Variants in LRRTM4 observed in about 807,000 individuals in gnomAD.
The protein encoded by LRRTM4 is leucine rich repeat transmembrane neuronal 4, also known as leucine-rich repeat transmembrane neuronal protein 4.
Under a neutral mutation model 47.6 loss-of-function variants are expected in LRRTM4, and 25 were observed. That is an observed-to-expected ratio of 0.53 (90% CI 0.38 to 0.73). The LOEUF (loss-of-function observed/expected upper bound fraction) is 0.73. Ranked by LOEUF, LRRTM4 falls within the 30% of genes least tolerant of loss-of-function variation. The pLI is 0.00. For missense variants in LRRTM4, 638 were observed against 713.4 expected, an observed-to-expected ratio of 0.89 and a Z score of 1.20; for synonymous variants, 311 against 269.5, an observed-to-expected ratio of 1.15 and a Z score of -1.51.
intron 3 of LRRTM4, among the ~76,000 whole-genome samples, chr2:77,437,012 G>T (rs914665090): frequency 6.6e-6 from 1 of 151,790 alleles, no homozygotes; most frequent in African/African-American, 2.4e-5. Context: ...TTATGTGTCT[G>T]GTTTGTAGGA....
At chr2:77,291,001 C>T (rs932858437) in intron 3 of LRRTM4, among the ~76,000 whole-genome samples, 1 of 152,052 alleles carries the variant, frequency 6.6e-6, no homozygotes, top group Non-Finnish European at 1.5e-5. Context: ...GGCTTTTCTG[C>T]TCTTACAGCC....
intron 3 of LRRTM4, among the ~76,000 whole-genome samples, chr2:77,204,648 T>G (rs1385315275): frequency 6.6e-6 from 1 of 152,208 alleles, no homozygotes; most frequent in Non-Finnish European, 1.5e-5. Context: ...CATGATATTC[T>G]GCCATTCCCA....
intron 3 of LRRTM4, among the ~76,000 whole-genome samples, chr2:77,041,220 G>C (rs1465651320): frequency 2.6e-5 from 4 of 151,346 alleles, no homozygotes; most frequent in Non-Finnish European, 5.9e-5. Flanking sequence ...AATATTCTTT[G>C]GGTTCATCCA....
intron 3 of LRRTM4, among the ~76,000 whole-genome samples, chr2:76,905,589 A>C (rs1274429591): frequency 1.3e-5 from 2 of 151,312 alleles, no homozygotes; most frequent in Non-Finnish European, 2.9e-5. Context: ...AAAGAAGTTA[A>C]AAACTTTGAA....
chr2:77,413,125 C>T (rs1250699551), intron 3 of LRRTM4, among the ~76,000 whole-genome samples: 1 of 152,140 alleles, frequency 6.6e-6, no homozygotes, highest in Non-Finnish European at 1.5e-5. Context: ...AACATTGACT[C>T]AACTATTGGT....
chr2:77,462,140 A>T (rs1019942621), intron 3 of LRRTM4, among the ~76,000 whole-genome samples: 50 of 152,188 alleles, frequency 3.3e-4, no homozygotes, highest in African/African-American at 1.2e-3. Context: ...AATATTCCAT[A>T]CAAAACTCTT....
At chr2:77,411,446 T>G (rs542770313) in intron 3 of LRRTM4, among the ~76,000 whole-genome samples, 1 of 139,110 alleles carries the variant, frequency 7.2e-6, no homozygotes, top group Non-Finnish European at 1.5e-5. Context: ...CTCTCTCTCT[T>G]TCTTCTTTTT....
At chr2:76,942,277 T>C (rs919419953) in intron 3 of LRRTM4, among the ~76,000 whole-genome samples, 10 of 152,192 alleles carry the variant, frequency 6.6e-5, no homozygotes, top group South Asian at 6.2e-4. Context: ...ACTCTGATGA[T>C]AGTTTCTTTT....
chr2:76,961,405 GAA>G (rs75719418), intron 3 of LRRTM4, among the ~76,000 whole-genome samples: 5,933 of 144,624 alleles, frequency 0.041, 255 homozygotes, highest in East Asian at 0.14. Flanking sequence ...ATACATCAAA[GAA>G]AAAAAAAAAC....
At chr2:77,066,580 A>G (rs1011310211) in intron 3 of LRRTM4, among the ~76,000 whole-genome samples, 11 of 152,224 alleles carry the variant, frequency 7.2e-5, no homozygotes, top group African/African-American at 2.7e-4. Context: ...ATTGGAGAGC[A>G]TCTACTATAA....
intron 3 of LRRTM4, among the ~76,000 whole-genome samples, chr2:77,016,936 G>A (rs1264219608): frequency 6.6e-6 from 1 of 151,338 alleles, no homozygotes; most frequent in Admixed American, 6.6e-5. Flanking sequence ...CACTCTATTT[G>A]CCTGTAGTTA....
At chr2:76,952,754 C>T (rs775502812) in intron 3 of LRRTM4, among the ~76,000 whole-genome samples, 13 of 151,774 alleles carry the variant, frequency 8.6e-5, no homozygotes, top group East Asian at 1.9e-4. Context: ...TGTTCACCAC[C>T]GTATTATTCA....
chr2:77,141,795 C>T (rs1672131101), intron 3 of LRRTM4, among the ~76,000 whole-genome samples: 1 of 152,022 alleles, frequency 6.6e-6, no homozygotes, highest in Non-Finnish European at 1.5e-5. Flanking sequence ...TATATATCAC[C>T]CAATGGTTTA....
In LRRTM4 at chr2:77,312,553, C is replaced by G. The variant is rs144966234; in HGVS notation, c.1551+205765G>C. On this transcript the variant is annotated intron_variant, in intron 3 of 3. Transcript: ENST00000409884. ...ATAAATATTCATTGTATTTATTTCT[C>G]TTTGGTTTGTGAAACCTATACTTCA... is the stretch of plus-strand genomic sequence containing the variant. 2.7e-3 allele frequency among the ~76,000 whole-genome samples: 409 copies of G among 152,206 alleles called. 1 individual carries two copies. Among genetic ancestry groups the G allele is most frequent in the Non-Finnish European group, 4.3e-3 (294 of 67,996 alleles).
intron 3 of LRRTM4, among the ~76,000 whole-genome samples, chr2:77,286,816 G>T (rs139297856): frequency 0.018 from 2,716 of 152,116 alleles, 36 homozygotes; most frequent in African/African-American, 0.032. Context: ...TCTAATTGAG[G>T]ATTATGGGCT....
At chr2:77,378,474 A>G (rs749407651) in intron 3 of LRRTM4, among the ~76,000 whole-genome samples, 2 of 152,150 alleles carry the variant, frequency 1.3e-5, no homozygotes, top group Non-Finnish European at 2.9e-5. Context: ...ATCATCTTTC[A>G]AAAGAAAATT....
chr2:77,050,425 C>T (rs1356713667), intron 3 of LRRTM4, among the ~76,000 whole-genome samples: 1 of 152,098 alleles, frequency 6.6e-6, no homozygotes, highest in Non-Finnish European at 1.5e-5. Flanking sequence ...ACTATATTAC[C>T]TTGTAAATAG....
chr2:77,049,344 G>A (rs1221780999), intron 3 of LRRTM4, among the ~76,000 whole-genome samples: 1 of 150,908 alleles, frequency 6.6e-6, no homozygotes, highest in Non-Finnish European at 1.5e-5. Context: ...GAGACTGTTG[G>A]ATCATTTGTA....
intron 3 of LRRTM4, among the ~76,000 whole-genome samples, chr2:76,801,467 G>T (rs1220758700): frequency 6.6e-6 from 1 of 151,996 alleles, no homozygotes; most frequent in Non-Finnish European, 1.5e-5. Flanking sequence ...TGAACAATGA[G>T]ATCACATGGA....
Sources: gnomAD v4.1 joint callset for allele counts (sites outside exome capture counted in the v4.1 genomes callset) on GRCh38, gnomAD v4.1.1 for gene constraint, MANE v1.5 for transcripts, NCBI Gene and HGNC (gene_info 2026-07-23, HGNC 2026-07-21) for gene names.